The following MYO1H variants were observed in gnomAD, a reference collection of about 807,000 sequenced individuals.
The protein encoded by MYO1H is unconventional myosin-Ih.
A neutral mutation model predicts 149.3 loss-of-function variants in MYO1H; 118 were observed. The observed-to-expected ratio is 0.79, with a 90% confidence interval of 0.68 to 0.92. MYO1H has a LOEUF of 0.92. Ranked by LOEUF, MYO1H falls within the 40% of genes least tolerant of loss-of-function variation. The pLI, the probability that MYO1H is intolerant of heterozygous loss-of-function variation, is 0.00. For synonymous variants in MYO1H, 447 were observed against 465.2 expected, an observed-to-expected ratio of 0.96 and a Z score of 0.50; for missense variants, 1,212 against 1,280.7, an observed-to-expected ratio of 0.95 and a Z score of 0.82.
intron 16 of MYO1H, among the ~76,000 whole-genome samples, chr12:109,422,091 T>C (rs1592809268): frequency 6.6e-6 from 1 of 152,204 alleles, no homozygotes; most frequent in South Asian, 2.1e-4. Context: ...AAAGCTGGGA[T>C]TGCAGGCATG....
chr12:109,436,668 C>T, intron 22 of MYO1H, 112 bp downstream of exon 22: 1 of 713,986 alleles, frequency 1.4e-6, no homozygotes, highest in Non-Finnish European at 2.4e-6. Flanking sequence ...TTGTGTGGTG[C>T]TATCTTGGGG....
At chr12:109,334,783 G>T in the MYO1H span, among the ~76,000 whole-genome samples, 6,562 of 152,208 alleles carry the variant, frequency 0.043, 201 homozygotes, top group Admixed American at 0.093. Flanking sequence ...TATTGAGAGA[G>T]AATTCACATA....
chr12:109,422,001 GT>G (rs1319345200), intron 16 of MYO1H, among the ~76,000 whole-genome samples: 10 of 152,052 alleles, frequency 6.6e-5, no homozygotes, highest in African/African-American at 2.4e-4. Flanking sequence ...TTTTTTGTTT[GT>G]TAGAGACAGG....
intron 1 of MYO1H, among the ~76,000 whole-genome samples, chr12:109,381,706 G>A (rs897116949): frequency 3.3e-5 from 5 of 152,040 alleles, no homozygotes; most frequent in African/African-American, 4.8e-5. Flanking sequence ...CTTGGTTCAT[G>A]CCTATGATCC....
intron 30 of MYO1H, 105 bp from the exon 31 acceptor site, chr12:109,445,408 G>A: frequency 1.2e-6 from 1 of 845,588 alleles, no homozygotes; most frequent in Non-Finnish European, 1.8e-6. Context: ...ACAGGAATTT[G>A]ATCTTGAAAC....
chr12:109,436,501 A>C, exon 22 of MYO1H: 1 of 1,610,936 alleles, frequency 6.2e-7, no homozygotes. Context: ...CAAGAATCCA[A>C]GCCACTTACA....
rs1288376921 is a variant in MYO1H at position 109,347,979 on chromosome 12, T to C, written c.12+7T>C. 2.5e-6 allele frequency: 1 copy of C among 398,970 alleles called. No individual in the cohort carries two copies. Among genetic ancestry groups the C allele is most frequent in the African/African-American group, 2.1e-5 (1 of 48,632 alleles). The allele number at this position is 398,970 out of a possible 1,614,324, so 24.7% of individuals were successfully genotyped here. On this transcript the variant is annotated splice_region_variant and intron_variant, in intron 1 of 31. Transcript: ENST00000310903. ...GTGCGTGATGGAATCCAAGGTAATG[T>C]GACTTGAACACTAGAAGGTGGTTAC...
chr12:109,388,868 GT>G, intron 2 of MYO1H, 24 bp downstream of exon 2: 1 of 1,582,684 alleles, frequency 6.3e-7, no homozygotes, highest in Non-Finnish European at 8.6e-7. Flanking sequence ...CTTCTCAGCT[GT>G]TTTTCTAGGG....
chr12:109,441,872 C>A (rs1445761456), intron 26 of MYO1H, among the ~76,000 whole-genome samples, 164 bp downstream of exon 26: 1 of 139,524 alleles, frequency 7.2e-6, no homozygotes, highest in Admixed American at 7.1e-5. Flanking sequence ...CATGGCGAAA[C>A]CCCATCTCAA....
chr12:109,445,666 T>TA, intron 31 of MYO1H, 54 bp downstream of exon 31: 1 of 1,568,564 alleles, frequency 6.4e-7, no homozygotes, highest in Non-Finnish European at 8.6e-7. Flanking sequence ...GAATATAAGT[T>TA]AAAGTTCTAC....
the MYO1H span, among the ~76,000 whole-genome samples, chr12:109,342,147 CAG>C: frequency 1.1e-5 from 1 of 95,100 alleles, no homozygotes; most frequent in African/African-American, 5.9e-5. Context: ...TTTTTTGAGA[CAG>C]AGTCTCAAAA....
chr12:109,378,155 G>A (rs552305738), intron 1 of MYO1H, among the ~76,000 whole-genome samples: 2 of 152,156 alleles, frequency 1.3e-5, no homozygotes, highest in East Asian at 3.9e-4. Context: ...TTGCAGAGTT[G>A]TGCAGTCATC....
chr12:109,418,834 G>A (rs61934483), intron 15 of MYO1H, among the ~76,000 whole-genome samples: 2,057 of 152,228 alleles, frequency 0.014, 27 homozygotes, highest in Non-Finnish European at 0.018. Flanking sequence ...GTGAGCCACC[G>A]CACCCAGCAT....
intron 27 of MYO1H, among the ~76,000 whole-genome samples, chr12:109,442,997 G>GGAAAAAA (rs1435648565): frequency 2.9e-5 from 2 of 67,800 alleles, no homozygotes; most frequent in Admixed American, 1.5e-4. Context: ...AGAGAGCCAG[G>GGAAAAAA]AAAAAAAAAA....
At chr12:109,339,254 G>A in the MYO1H span, among the ~76,000 whole-genome samples, 4 of 152,044 alleles carry the variant, frequency 2.6e-5, no homozygotes, top group Non-Finnish European at 5.9e-5. Flanking sequence ...AATCCCAGCT[G>A]TGCAGGAGAC....
At chr12:109,444,566 A>G in intron 30 of MYO1H, 37 bp downstream of exon 30, 1 of 1,517,636 alleles carries the variant, frequency 6.6e-7, no homozygotes, top group Non-Finnish European at 9.1e-7. Context: ...AAGTAATTCA[A>G]TGTTAAAATG....
chr12:109,406,062 G>C (rs1368344830), intron 8 of MYO1H, 27 bp downstream of exon 8: 1 of 1,513,548 alleles, frequency 6.6e-7, no homozygotes, highest in Non-Finnish European at 9.2e-7. Context: ...GGAGAGGACA[G>C]AAGGAGGGGG....
chr12:109,350,414 G>T (rs1868440126), intron 1 of MYO1H, among the ~76,000 whole-genome samples: 1 of 152,142 alleles, frequency 6.6e-6, no homozygotes, highest in African/African-American at 2.4e-5. Context: ...TAGTGAATAA[G>T]TCTCATGAGA....
At chr12:109,368,738 G>A (rs191786450) in intron 1 of MYO1H, among the ~76,000 whole-genome samples, 29 of 151,554 alleles carry the variant, frequency 1.9e-4, no homozygotes, top group African/African-American at 6.8e-4. Flanking sequence ...AGGGGTACAC[G>A]TGCAGGTTTG....
Sources: allele counts gnomAD v4.1 joint callset (sites outside exome capture counted in the v4.1 genomes callset), GRCh38; gene constraint gnomAD v4.1.1; transcripts MANE v1.5; gene names NCBI Gene and HGNC (gene_info 2026-07-23, HGNC 2026-07-21).